The following XKR6 variants were observed in gnomAD, a reference collection of about 807,000 sequenced individuals.
XKR6 encodes the protein XK-related protein 6.
XKR6 carries 22 observed loss-of-function variants against 56.7 expected under a neutral mutation model. That is an observed-to-expected ratio of 0.39 (90% CI 0.28 to 0.55). The LOEUF (loss-of-function observed/expected upper bound fraction) is 0.55. XKR6 is among the 20% of genes least tolerant of loss of function. The pLI, the probability that XKR6 is intolerant of heterozygous loss-of-function variation, is 0.66. For synonymous variants in XKR6, 524 were observed against 387.8 expected (o/e 1.35, Z -4.13); for missense variants, 852 against 889.0 (o/e 0.96, Z 0.53).
At chr8:10,978,901 G>C (rs1463405122) in intron 1 of XKR6, among the ~76,000 whole-genome samples, 4 of 152,182 alleles carry the variant, frequency 2.6e-5, no homozygotes, top group African/African-American at 9.7e-5. Context: ...AGGCCTCCCA[G>C]ATGTCATCCT....
chr8:11,190,893 T>C (rs1022054037), intron 1 of XKR6, among the ~76,000 whole-genome samples: 5 of 152,192 alleles, frequency 3.3e-5, no homozygotes, highest in Non-Finnish European at 7.3e-5. Flanking sequence ...TAAGTGAGAC[T>C]ATATATATAA....
At chr8:11,000,440 C>G (rs1018646198) in intron 1 of XKR6, among the ~76,000 whole-genome samples, 3 of 152,170 alleles carry the variant, frequency 2.0e-5, no homozygotes, top group Non-Finnish European at 4.4e-5. Context: ...AATCCAAGCT[C>G]TTTGGGAAAC....
intron 2 of XKR6, among the ~76,000 whole-genome samples, chr8:10,919,126 A>C (rs910852501): frequency 1.3e-5 from 2 of 151,520 alleles, no homozygotes; most frequent in Non-Finnish European, 2.9e-5. Flanking sequence ...ATCCTCTCTC[A>C]CCCCAACTGC....
intron 1 of XKR6, among the ~76,000 whole-genome samples, chr8:11,073,840 A>G (rs1347161937): frequency 1.3e-5 from 2 of 152,184 alleles, no homozygotes; most frequent in East Asian, 3.9e-4. Context: ...ATAAAGCGAA[A>G]GCCCTTGAGG....
intron 1 of XKR6, among the ~76,000 whole-genome samples, chr8:11,100,942 G>A (rs1333028489): frequency 1.3e-5 from 2 of 152,190 alleles, no homozygotes; most frequent in African/African-American, 4.8e-5. Context: ...TGGTGCCGGA[G>A]GAAGTGGTTA....
intron 1 of XKR6, among the ~76,000 whole-genome samples, chr8:10,951,576 C>A (rs1032988870): frequency 2.0e-5 from 3 of 152,248 alleles, no homozygotes; most frequent in African/African-American, 7.2e-5. Context: ...AGGCCCTGCA[C>A]TTCCCCGGAC....
chr8:11,147,832 C>A (rs1249762824), intron 1 of XKR6, among the ~76,000 whole-genome samples: 3 of 152,170 alleles, frequency 2.0e-5, no homozygotes, highest in Admixed American at 6.5e-5. Flanking sequence ...GAACTGACCC[C>A]TCCTAAAATT....
At chr8:11,172,588 T>C (rs140349176) in intron 1 of XKR6, among the ~76,000 whole-genome samples, 26 of 152,292 alleles carry the variant, frequency 1.7e-4, no homozygotes, top group Non-Finnish European at 3.4e-4. Flanking sequence ...TTCTGAGCAG[T>C]TTCCATGCAC....
chr8:11,158,426 A>G (rs1801632923), intron 1 of XKR6, among the ~76,000 whole-genome samples: 1 of 152,226 alleles, frequency 6.6e-6, no homozygotes, highest in Non-Finnish European at 1.5e-5. Context: ...TACAGCTGAA[A>G]GTGCTAGGCA....
chr8:11,194,452 TTA>T (rs1212798832), intron 1 of XKR6: 1 of 152,244 alleles, frequency 6.6e-6, no homozygotes, highest in Non-Finnish European at 1.5e-5. Context: ...TTAAATGAGG[TTA>T]TATTTTCATA....
intron 1 of XKR6, among the ~76,000 whole-genome samples, chr8:11,068,534 G>C (rs1328760411): frequency 6.6e-6 from 1 of 152,068 alleles, no homozygotes; most frequent in Non-Finnish European, 1.5e-5. Flanking sequence ...CTCCGTGCCT[G>C]CACAATGCTT....
intron 1 of XKR6, among the ~76,000 whole-genome samples, chr8:11,127,247 G>C (rs1258322802): frequency 1.3e-5 from 2 of 152,160 alleles, no homozygotes; most frequent in African/African-American, 4.8e-5. Context: ...AAGCTCTGGA[G>C]TCACACTGGT....
intron 1 of XKR6, among the ~76,000 whole-genome samples, chr8:11,071,517 CCCCGAGTCCATGAGCCCCGAGTCT>C (rs1358869304): frequency 1.3e-3 from 186 of 146,644 alleles, no homozygotes; most frequent in Admixed American, 1.9e-3. Context: ...AGTCTATGAG[CCCCGAGTCCATGAGCCCCGAGTCT>C]ATGAGCCCCG....
chr8:11,194,536 G>A (rs1228958467), intron 1 of XKR6: 1 of 152,214 alleles, frequency 6.6e-6, no homozygotes, highest in African/African-American at 2.4e-5. Flanking sequence ...GAAACTAGAT[G>A]AATAGCACAT....
intron 1 of XKR6, among the ~76,000 whole-genome samples, chr8:11,024,517 T>C (rs947176088): frequency 7.2e-5 from 11 of 152,228 alleles, no homozygotes; most frequent in African/African-American, 2.7e-4. Flanking sequence ...TAGCCATTAC[T>C]TTCTTATTAA....
chr8:10,905,999 T>C (rs1325521892), intron 2 of XKR6, among the ~76,000 whole-genome samples: 7 of 152,126 alleles, frequency 4.6e-5, no homozygotes, highest in African/African-American at 1.7e-4. Context: ...AAAACAAGCA[T>C]CCTGATGACT....
chr8:10,947,299 G>A (rs539036915), intron 1 of XKR6, among the ~76,000 whole-genome samples: 1 of 152,204 alleles, frequency 6.6e-6, no homozygotes, highest in Non-Finnish European at 1.5e-5. Flanking sequence ...CCGAAAAGGA[G>A]AGCAAAGGTT....
At chr8:11,083,593 TG>T (rs1435438880) in intron 1 of XKR6, among the ~76,000 whole-genome samples, 1 of 152,206 alleles carries the variant, frequency 6.6e-6, no homozygotes, top group African/African-American at 2.4e-5. Context: ...TTGGGGGGCC[TG>T]GGGATGCTTC....
At chr8:11,144,455 A>C (rs373745586) in intron 1 of XKR6, among the ~76,000 whole-genome samples, 12 of 151,858 alleles carry the variant, frequency 7.9e-5, no homozygotes, top group African/African-American at 2.7e-4. Flanking sequence ...GTAGACTCAA[A>C]ACTCAGAACC....
Sources: gnomAD v4.1 joint callset for allele counts (sites outside exome capture counted in the v4.1 genomes callset) on GRCh38, gnomAD v4.1.1 for gene constraint, MANE v1.5 for transcripts, NCBI Gene and HGNC (gene_info 2026-07-23, HGNC 2026-07-21) for gene names.